Variants in CLVS1 observed in about 807,000 individuals in gnomAD.
CLVS1 encodes clavesin 1.
CLVS1 carries 10 observed loss-of-function variants against 33.1 expected under a neutral mutation model. The ratio of observed to expected loss-of-function variants is 0.30; its 90% confidence interval spans 0.19 to 0.51. The LOEUF is 0.51. Ranked by LOEUF, CLVS1 falls within the 20% of genes least tolerant of loss-of-function variation. The probability of loss-of-function intolerance (pLI) is 0.97; values close to 1 mark genes in which losing one functional copy is unlikely to be tolerated. For synonymous variants in CLVS1, 163 were observed against 166.1 expected (o/e 0.98, Z 0.14); for missense variants, 343 against 433.4 (o/e 0.79, Z 1.85).
At position 61,198,095 on chromosome 8, in the gene CLVS1, T is replaced by A. The variant is rs554896891; in HGVS notation, c.-152+66235T>A. Among the ~76,000 whole-genome samples the A allele has an allele frequency of 2.0e-5, 3 of 146,474 alleles. No homozygotes were observed. The East Asian group carries it at 5.9e-4, about 29-fold the overall frequency. ...GTGCTATTCTGTGTGCAGATAGTTG[T>A]TAAAATTTGGTGTTCCTTCCAGAGG... On this transcript the variant is annotated intron_variant, in intron 2 of 2. Coordinates refer to the CLVS1 transcript ENST00000522621.
intron 2 of CLVS1, chr8:61,202,845 T>C: frequency 2.0e-6 from 2 of 998,442 alleles, no homozygotes; most frequent in Non-Finnish European, 3.1e-6. Flanking sequence ...AAGATGATGA[T>C]GATGATGAAG....
chr8:60,968,290 C>A, the CLVS1 span, among the ~76,000 whole-genome samples: 4 of 152,092 alleles, frequency 2.6e-5, no homozygotes, highest in African/African-American at 9.7e-5. Context: ...CCGAGGCCGG[C>A]GGATCACCTG....
chr8:61,287,304 A>G (rs969556367), upstream of CLVS1, among the ~76,000 whole-genome samples: 40 of 152,128 alleles, frequency 2.6e-4, no homozygotes, highest in African/African-American at 9.7e-4. Context: ...TCTTCTATAA[A>G]TTCTTTGTCA....
In CLVS1 at chr8:61,170,195, TG is replaced by T. The variant is rs537251179; in HGVS notation, c.-152+38336del. On this transcript the variant is annotated intron_variant, in intron 2 of 2. Transcript: ENST00000522621. Reference sequence around the variant, plus strand: ...TACCGATAAGATAGTTGATTTCATTTGTTGGGCATTACACTGGCTACTATGT... The same window carrying T: ...TACCGATAAGATAGTTGATTTCATTTTTGGGCATTACACTGGCTACTATGT... Among the ~76,000 whole-genome samples, 906 of 152,272 alleles carry T rather than the reference TG, an allele frequency of 5.9e-3. 6 individuals are homozygous for T. Among genetic ancestry groups the T allele is most frequent in the Non-Finnish European group, 1.0e-2 (678 of 68,022 alleles).
chr8:61,332,343 A>C (rs1811630950), intron 2 of CLVS1, among the ~76,000 whole-genome samples: 1 of 151,914 alleles, frequency 6.6e-6, no homozygotes, highest in Non-Finnish European at 1.5e-5. Context: ...TGCTCCTTTA[A>C]ACCCTTCCAT....
intron 2 of CLVS1, among the ~76,000 whole-genome samples, chr8:61,265,494 A>G (rs1809286332): frequency 6.6e-6 from 1 of 152,226 alleles, no homozygotes; most frequent in Non-Finnish European, 1.5e-5. Flanking sequence ...TTAAATGTAA[A>G]GCACTCAATT....
At chr8:60,979,405 A>G in the CLVS1 span, among the ~76,000 whole-genome samples, 1 of 152,186 alleles carries the variant, frequency 6.6e-6, no homozygotes, top group East Asian at 1.9e-4. Flanking sequence ...AAAATATCAC[A>G]TGGCTGGAGG....
intron 1 of CLVS1, among the ~76,000 whole-genome samples, chr8:61,127,220 T>G (rs1177699453): frequency 1.3e-5 from 2 of 152,018 alleles, no homozygotes; most frequent in Non-Finnish European, 2.9e-5. Flanking sequence ...ATCAAGCTTT[T>G]TTTTTTTTTT....
intron 1 of CLVS1, among the ~76,000 whole-genome samples, chr8:61,122,567 AAAACAC>A (rs1422947730): frequency 1.1e-5 from 1 of 91,838 alleles, no homozygotes; most frequent in African/African-American, 4.6e-5. Flanking sequence ...CTATATTAAG[AAAACAC>A]ACACACACAC....
the CLVS1 span, chr8:60,966,286 T>G: frequency 2.2e-6 from 1 of 445,854 alleles, no homozygotes; most frequent in African/African-American, 2.0e-5. Flanking sequence ...GGGTGAGCTA[T>G]GCAGCCCAGG....
intron 2 of CLVS1, among the ~76,000 whole-genome samples, chr8:61,237,940 G>T (rs1369720119): frequency 6.6e-6 from 1 of 152,112 alleles, no homozygotes; most frequent in Non-Finnish European, 1.5e-5. Flanking sequence ...GAGGAGACTG[G>T]GAGAGGGCAG....
chr8:61,109,935 G>T (rs1296979813), intron 1 of CLVS1, among the ~76,000 whole-genome samples: 1 of 152,132 alleles, frequency 6.6e-6, no homozygotes, highest in Non-Finnish European at 1.5e-5. Flanking sequence ...GACTTCCTAG[G>T]CTCCAGGACT....
chr8:61,276,932 G>T (rs987470697), intron 2 of CLVS1, among the ~76,000 whole-genome samples: 17 of 152,144 alleles, frequency 1.1e-4, no homozygotes, highest in South Asian at 4.1e-4. Context: ...GGCTGCTATT[G>T]TTCTCTCTGT....
At chr8:61,125,963 AT>A (rs34518774) in intron 1 of CLVS1, among the ~76,000 whole-genome samples, 30,823 of 150,122 alleles carry the variant, frequency 0.21, 3,333 homozygotes, top group Admixed American at 0.32. Context: ...TTTTAAGGAC[AT>A]TTTTTTTTTT....
At chr8:61,344,229 A>G (rs900128425) in intron 2 of CLVS1, among the ~76,000 whole-genome samples, 2 of 152,108 alleles carry the variant, frequency 1.3e-5, no homozygotes, top group Non-Finnish European at 2.9e-5. Flanking sequence ...GAGCTAATAA[A>G]TTCATTTTAC....
intron 2 of CLVS1, among the ~76,000 whole-genome samples, chr8:61,301,747 C>T (rs945841785): frequency 2.2e-4 from 34 of 152,084 alleles, no homozygotes; most frequent in African/African-American, 8.2e-4. Flanking sequence ...GATGTGAGAG[C>T]CAGTTGTCTT....
At chr8:61,421,829 T>C (rs1815683437) in intron 3 of CLVS1, among the ~76,000 whole-genome samples, 3 of 152,144 alleles carry the variant, frequency 2.0e-5, no homozygotes. Flanking sequence ...AATTGCTACT[T>C]CACCTCTCTG....
intron 2 of CLVS1, among the ~76,000 whole-genome samples, chr8:61,211,743 T>C (rs958670521): frequency 9.9e-5 from 15 of 152,192 alleles, no homozygotes; most frequent in African/African-American, 3.4e-4. Flanking sequence ...CAGATGTGAT[T>C]CAATTATGGA....
the CLVS1 span, among the ~76,000 whole-genome samples, chr8:61,017,951 T>G: frequency 6.6e-6 from 1 of 152,246 alleles, no homozygotes; most frequent in Non-Finnish European, 1.5e-5. Context: ...GTTGCATGTA[T>G]TAAATCCCTA....
Sources: gnomAD v4.1 joint callset for allele counts (sites outside exome capture counted in the v4.1 genomes callset) on GRCh38, gnomAD v4.1.1 for gene constraint, MANE v1.5 for transcripts, NCBI Gene and HGNC (gene_info 2026-07-23, HGNC 2026-07-21) for gene names.